Variants in UBE3D observed in about 807,000 individuals in gnomAD.
UBE3D encodes the protein E3 ubiquitin-protein ligase E3D.
In UBE3D, 48 loss-of-function variants were observed where a neutral mutation model predicts 49.6. The observed-to-expected ratio is 0.97, with a 90% CI of 0.77 to 1.23. UBE3D has a LOEUF of 1.23. UBE3D is among the 50% of genes most tolerant of loss of function. UBE3D has a pLI of 0.00. For synonymous variants in UBE3D, 189 were observed against 174.2 expected, an observed-to-expected ratio of 1.08 and a Z score of -0.67; for missense variants, 452 against 468.4, an observed-to-expected ratio of 0.96 and a Z score of 0.32.
rs79717787 is a variant in UBE3D, at chr6:83,057,122, T to C, written c.274+704A>G. On this transcript the variant is annotated intron_variant, in intron 2 of 9. Transcript: ENST00000369747. ...AATCAAATTAAGTATCAAACTCAAC[T>C]GTAGGACCTTTTGTGTACTGTTTTC... is the stretch of plus-strand genomic sequence containing the variant. Among the ~76,000 whole-genome samples, 247 of 152,332 alleles carry C rather than the reference T, an allele frequency of 1.6e-3. 2 individuals are homozygous for C. The highest frequency in any genetic ancestry group is 5.6e-3 in the African/African-American group (233 of 41,576).
intron 4 of UBE3D, among the ~76,000 whole-genome samples, chr6:83,040,503 C>A (rs1782598296): frequency 6.6e-6 from 1 of 152,112 alleles, no homozygotes; most frequent in Non-Finnish European, 1.5e-5. Context: ...CAGCCTCAAA[C>A]ACATGCAACT....
At chr6:82,975,922 T>C (rs1032162882) in intron 8 of UBE3D, among the ~76,000 whole-genome samples, 3 of 152,178 alleles carry the variant, frequency 2.0e-5, no homozygotes, top group African/African-American at 7.2e-5. Flanking sequence ...GTAACACAAA[T>C]GACTGACTAC....
chr6:83,031,802 C>T lies in UBE3D; in HGVS notation c.667+6614G>A, dbSNP rs557251316. 6.8e-4 allele frequency among the ~76,000 whole-genome samples: 103 copies of T among 152,316 alleles called. 4 individuals carry two copies. In the South Asian group the frequency reaches 0.019, roughly 29 times the overall value. On this transcript the variant is annotated intron_variant, in intron 5 of 9. Coordinates refer to ENST00000369747, the MANE Select transcript of UBE3D (RefSeq NM_198920.3). ...TGTGCAGCCTAGGGACTTGGTGCTC[C>T]GTGTCCCAGCCGCACTAGCCATGGC...
chr6:82,886,503 C>T, the UBE3D span, among the ~76,000 whole-genome samples: 1 of 152,140 alleles, frequency 6.6e-6, no homozygotes, highest in African/African-American at 2.4e-5. Flanking sequence ...TGGTCCATAG[C>T]CCGGGGGTTG....
At chr6:82,881,301 T>C in the UBE3D span, among the ~76,000 whole-genome samples, 3 of 152,128 alleles carry the variant, frequency 2.0e-5, no homozygotes, top group Admixed American at 2.0e-4. Context: ...AAAGGGACTT[T>C]GGTAAGTTGG....
intron 9 of UBE3D, among the ~76,000 whole-genome samples, chr6:82,947,256 T>C (rs781190603): frequency 2.0e-5 from 3 of 151,936 alleles, no homozygotes; most frequent in Non-Finnish European, 2.9e-5. Context: ...GATATAATGA[T>C]TGTAAATATA....
At chr6:82,957,285 C>T (rs368831943) in intron 9 of UBE3D, 27 bp downstream of exon 9, 115 of 1,603,476 alleles carry the variant, frequency 7.2e-5, no homozygotes, top group African/African-American at 2.1e-4. Context: ...TGAGAAATCA[C>T]GGCCTAGAAA....
rs61225462 is a variant in UBE3D, at chr6:83,027,434, C to CAA, written c.668-3398_668-3397dup. Among the ~76,000 whole-genome samples, 47 of 34,632 alleles carry CAA rather than the reference C, an allele frequency of 1.4e-3. 2 individuals are homozygous for CAA. The highest frequency in any genetic ancestry group is 4.1e-3 in the South Asian group (2 of 488). The allele number at this position is 34,632 out of a possible 152,430, so 22.7% of individuals were successfully genotyped here. A position where few individuals can be genotyped will look rare whatever the true frequency, so the allele number is the denominator to read the frequency against. ...CTGGCGACAGAGCGAGACTCCGTCT[C>CAA]AAAAAAAAAAAAAAAAAAAAAAAAA... On this transcript the variant is annotated intron_variant, in intron 5 of 9. Transcript: ENST00000369747.
chr6:83,063,988 T>C (rs1227088940), intron 1 of UBE3D, among the ~76,000 whole-genome samples: 2 of 152,040 alleles, frequency 1.3e-5, no homozygotes, highest in African/African-American at 4.8e-5. Flanking sequence ...AAGAAAAACA[T>C]CCAGCAATAG....
intron 8 of UBE3D, among the ~76,000 whole-genome samples, chr6:82,977,199 T>C (rs890293686): frequency 1.3e-5 from 2 of 151,010 alleles, no homozygotes; most frequent in African/African-American, 4.9e-5. Flanking sequence ...TGGCACAGAA[T>C]TTTCACTTTT....
intron 9 of UBE3D, among the ~76,000 whole-genome samples, chr6:82,925,496 A>T (rs572231543): frequency 6.6e-6 from 1 of 152,280 alleles, no homozygotes; most frequent in Non-Finnish European, 1.5e-5. Flanking sequence ...TTACCTTCAG[A>T]TGTAAGTAAC....
intron 9 of UBE3D, among the ~76,000 whole-genome samples, chr6:82,929,301 A>T (rs1289557093): frequency 1.3e-5 from 2 of 152,140 alleles, no homozygotes; most frequent in African/African-American, 2.4e-5. Flanking sequence ...TTTACCATGG[A>T]ACTAAGACTT....
intron 9 of UBE3D, among the ~76,000 whole-genome samples, chr6:82,924,128 A>G (rs116095059): frequency 0.017 from 2,592 of 152,176 alleles, 69 homozygotes; most frequent in African/African-American, 0.058. Context: ...AGTACTTGGA[A>G]GTCCACAAAT....
intron 8 of UBE3D, among the ~76,000 whole-genome samples, chr6:82,965,915 T>A (rs1776883630): frequency 6.6e-6 from 1 of 152,186 alleles, no homozygotes; most frequent in African/African-American, 2.4e-5. Flanking sequence ...AGACAACATA[T>A]CATTCATTTC....
intron 3 of UBE3D, among the ~76,000 whole-genome samples, chr6:83,050,586 A>T (rs1298971244): frequency 6.6e-6 from 1 of 152,226 alleles, no homozygotes; most frequent in African/African-American, 2.4e-5. Flanking sequence ...TTTGGGGCAC[A>T]TACATGCTCT....
chr6:83,046,256 C>T (rs1169902534), intron 3 of UBE3D, among the ~76,000 whole-genome samples: 1 of 151,750 alleles, frequency 6.6e-6, no homozygotes, highest in Non-Finnish European at 1.5e-5. Flanking sequence ...ACAATTCCCC[C>T]ATGTTAACCA....
intron 9 of UBE3D, among the ~76,000 whole-genome samples, chr6:82,927,894 G>A (rs924330085): frequency 6.6e-6 from 1 of 151,818 alleles, no homozygotes; most frequent in Non-Finnish European, 1.5e-5. Flanking sequence ...TGTGGGGGGA[G>A]GAAGGCATGA....
rs1323236078 is a variant in UBE3D, at chr6:82,958,154, C to A, written c.1011-704G>T. On this transcript the variant is annotated intron_variant, in intron 8 of 9. Coordinates refer to ENST00000369747, the MANE Select transcript of UBE3D (RefSeq NM_198920.3). ...GGGCTAGAGAAGTAAAGGGATCTGT[C>A]TGAGATGAGGCAATGTGTAGAAAGT... Among the ~76,000 whole-genome samples the A allele has an allele frequency of 2.0e-5, 3 of 152,022 alleles. 1 individual carries two copies. Among genetic ancestry groups the A allele is most frequent in the Admixed American group, 1.3e-4 (2 of 15,242 alleles).
At chr6:82,887,402 T>TGTTTTGTTTTGTTTTG (rs1562053929), downstream of UBE3D, among the ~76,000 whole-genome samples, 2 of 146,898 alleles carry the variant, frequency 1.4e-5, no homozygotes, top group African/African-American at 5.1e-5. Flanking sequence ...TTTTTTTTTT[T>TGTTTTGTTTTGTTTTG]TTTTTTTTTT....
Sources: allele counts gnomAD v4.1 joint callset (sites outside exome capture counted in the v4.1 genomes callset), GRCh38; gene constraint gnomAD v4.1.1; transcripts MANE v1.5; gene names NCBI Gene and HGNC (gene_info 2026-07-23, HGNC 2026-07-21).